NTRK2: variants seen among roughly 807,000 people sequenced by gnomAD.
NTRK2 encodes BDNF/NT-3 growth factors receptor.
Under a neutral mutation model 94.5 loss-of-function variants are expected in NTRK2, and 13 were observed. The observed-to-expected ratio is 0.14, with a 90% CI of 0.09 to 0.22. The LOEUF is 0.22. NTRK2 is among the 10% of genes least tolerant of loss of function. The pLI, the probability that NTRK2 is intolerant of heterozygous loss-of-function variation, is 1.00. For missense variants in NTRK2, 639 were observed against 1,071.2 expected, an observed-to-expected ratio of 0.60 and a Z score of 5.63; for synonymous variants, 372 against 407.4, an observed-to-expected ratio of 0.91 and a Z score of 1.05.
rs555809453 is a variant in NTRK2, at chr9:84,688,440, G to A, written c.213-13719G>A. Among the ~76,000 whole-genome samples the A allele has an allele frequency of 5.9e-5, 9 of 152,242 alleles. No individual in the cohort carries two copies. In the South Asian group the frequency reaches 1.9e-3, roughly 32 times the overall value. ...CTTCAGATGGTTCCTACACTTCAGT[G>A]CCCCACCCTCTCTTCAGGGGCTCCA... On this transcript the variant is annotated intron_variant, in intron 2 of 18. Transcript: ENST00000277120.
chr9:84,785,280 G>C (rs937282859), intron 12 of NTRK2, among the ~76,000 whole-genome samples: 24 of 152,152 alleles, frequency 1.6e-4, no homozygotes, highest in African/African-American at 5.6e-4. Context: ...ACCAAAACTT[G>C]CGTCATAGGT....
At chr9:84,823,606 T>A (rs1409168268) in intron 12 of NTRK2, among the ~76,000 whole-genome samples, 1 of 152,220 alleles carries the variant, frequency 6.6e-6, no homozygotes, top group East Asian at 1.9e-4. Context: ...TGGAGGAGAA[T>A]GCCCCATGCA....
At chr9:84,766,074 A>G (rs2065998331) in intron 12 of NTRK2, among the ~76,000 whole-genome samples, 1 of 152,198 alleles carries the variant, frequency 6.6e-6, no homozygotes, top group Non-Finnish European at 1.5e-5. Flanking sequence ...AGAAAAACAG[A>G]GAAAGAAATA....
chr9:84,692,038 C>A (rs1338337270), intron 2 of NTRK2, among the ~76,000 whole-genome samples: 3 of 152,152 alleles, frequency 2.0e-5, no homozygotes, highest in African/African-American at 7.2e-5. Flanking sequence ...TAAGCCATTT[C>A]TATTTTTTGG....
chr9:84,912,688 G>T (rs1304414684), intron 14 of NTRK2, among the ~76,000 whole-genome samples: 1 of 142,978 alleles, frequency 7.0e-6, no homozygotes, highest in Non-Finnish European at 1.5e-5. Flanking sequence ...GCGCGATCTT[G>T]GCTCACTGCA....
At chr9:84,953,208 G>C (rs1433217681) in intron 16 of NTRK2, among the ~76,000 whole-genome samples, 2 of 152,156 alleles carry the variant, frequency 1.3e-5, no homozygotes, top group Admixed American at 1.3e-4. Context: ...ATCCTGAAGA[G>C]CCCTGTTACA....
At chr9:84,950,048 A>G (rs2078727054) in intron 16 of NTRK2, among the ~76,000 whole-genome samples, 4 of 152,198 alleles carry the variant, frequency 2.6e-5, no homozygotes, top group Admixed American at 1.3e-4. Context: ...TAGCTGAGTG[A>G]CCTCAGGCAA....
chr9:84,901,184 G>C (rs1451331205), intron 14 of NTRK2, among the ~76,000 whole-genome samples: 1 of 145,872 alleles, frequency 6.9e-6, no homozygotes, highest in Non-Finnish European at 1.5e-5. Context: ...ATTTTATTTT[G>C]TTTTGTTTTG....
At chr9:84,958,928 A>G (rs964869379) in intron 17 of NTRK2, among the ~76,000 whole-genome samples, 1 of 152,148 alleles carries the variant, frequency 6.6e-6, no homozygotes, top group Non-Finnish European at 1.5e-5. Flanking sequence ...TCTGTTTTAC[A>G]GGAGAACTCC....
intron 14 of NTRK2, among the ~76,000 whole-genome samples, chr9:84,923,769 A>G (rs2077644715): frequency 6.6e-6 from 1 of 152,136 alleles, no homozygotes; most frequent in Admixed American, 6.5e-5. Flanking sequence ...TACAAAAATT[A>G]GCTGGGTATG....
At chr9:84,764,217 A>C (rs1482213601) in intron 12 of NTRK2, among the ~76,000 whole-genome samples, 2 of 152,206 alleles carry the variant, frequency 1.3e-5, no homozygotes, top group Non-Finnish European at 2.9e-5. Flanking sequence ...TATAAATACA[A>C]GTTTTTCCCT....
At chr9:84,871,864 G>C in intron 14 of NTRK2, 1 of 1,613,438 alleles carries the variant, frequency 6.2e-7, no homozygotes, top group Non-Finnish European at 8.5e-7. Flanking sequence ...AGGAACTAAA[G>C]GAGGCTAAAT....
intron 12 of NTRK2, among the ~76,000 whole-genome samples, chr9:84,849,032 A>G (rs1386938373): frequency 6.6e-6 from 1 of 152,200 alleles, no homozygotes; most frequent in Non-Finnish European, 1.5e-5. Flanking sequence ...TTTCTTAGGC[A>G]TACATATTGG....
rs188371852 is a variant in NTRK2 at position 84,754,124 on chromosome 9, A to C, written c.1396+2039A>C. Among the ~76,000 whole-genome samples, 235 of 152,328 alleles carry C rather than the reference A, an allele frequency of 1.5e-3. 2 individuals are homozygous for C. Among genetic ancestry groups the C allele is most frequent in the Non-Finnish European group, 1.4e-3 (92 of 68,024 alleles). ...TGGGGTGATTACCACTAAAGCGTCTACGTTTTCTGAGTATAACCTGAGGGC... is the reference window on the plus strand; with the variant it reads ...TGGGGTGATTACCACTAAAGCGTCTCCGTTTTCTGAGTATAACCTGAGGGC... On this transcript the variant is annotated intron_variant, in intron 12 of 18. Coordinates refer to ENST00000277120, the MANE Select transcript of NTRK2 (RefSeq NM_006180.6).
chr9:84,962,010 G>T (rs1036811444), intron 17 of NTRK2, among the ~76,000 whole-genome samples: 5 of 152,184 alleles, frequency 3.3e-5, no homozygotes, highest in African/African-American at 1.2e-4. Context: ...ATTCTTCTGA[G>T]GCTATCAAAA....
rs1344148464 is a variant in NTRK2 at position 84,876,043 on chromosome 9, G to A, written c.1633+8612G>A. Reference sequence around the variant, plus strand: ...CTATATATTATTTTTATTCATTACTGTATATGGGTAGAGATCAATATTCTT... The same window carrying A: ...CTATATATTATTTTTATTCATTACTATATATGGGTAGAGATCAATATTCTT... On this transcript the variant is annotated intron_variant, in intron 14 of 18. Transcript: ENST00000277120. 9 of 1,023,464 alleles carry A rather than the reference G, an allele frequency of 8.8e-6. No individual in the cohort carries two copies. In the East Asian group the frequency reaches 4.3e-4, roughly 49 times the overall value. The allele number at this position is 1,023,464 out of a possible 1,614,324, so 63.4% of individuals were successfully genotyped here. A position where few individuals can be genotyped will look rare whatever the true frequency, so the allele number is the denominator to read the frequency against.
At chr9:84,867,121 C>T in intron 13 of NTRK2, 122 bp from the exon 14 acceptor site, 1 of 888,734 alleles carries the variant, frequency 1.1e-6, no homozygotes, top group Admixed American at 2.0e-5. Context: ...TATTGTACTA[C>T]TCTGTGAATA....
At position 84,744,984 on chromosome 9, in the gene NTRK2, G is replaced by C; in HGVS notation, c.1207G>C (p.Ala403Pro). Residue 403 changes from alanine to proline, a missense_variant, in exon 11 of 19, where the codon GCA (alanine) becomes CCA (proline). By Grantham distance (27) the Ala-to-Pro change is conservative. Coordinates refer to ENST00000277120, the MANE Select transcript of NTRK2 (RefSeq NM_006180.6). ...PDVIYEDYGT[A>P]ANDIGDTTNR... is the part of the protein sequence containing the mutation. ...TTTGCCCACTTAAGATTATGGAACT[G>C]CAGCGAATGACATCGGGGACACCAC... 6.2e-7 allele frequency: 1 copy of C among 1,613,322 alleles called. No homozygotes were observed. The highest frequency in any genetic ancestry group is 8.5e-7 in the Non-Finnish European group (1 of 1,179,396).
intron 12 of NTRK2, among the ~76,000 whole-genome samples, chr9:84,854,911 C>T (rs1334389205): frequency 7.6e-6 from 1 of 131,004 alleles, no homozygotes; most frequent in Non-Finnish European, 1.5e-5. Context: ...TGCACCACTG[C>T]ACTCCAGCCT....
Sources: allele counts gnomAD v4.1 joint callset (sites outside exome capture counted in the v4.1 genomes callset), GRCh38; gene constraint gnomAD v4.1.1; transcripts MANE v1.5; gene names NCBI Gene and HGNC (gene_info 2026-07-23, HGNC 2026-07-21).